ACTR10: variants seen among roughly 807,000 people sequenced by gnomAD.
The protein encoded by ACTR10 is actin related protein 10, also known as actin-related protein 10.
ACTR10 carries 43 observed loss-of-function variants against 56.2 expected under a neutral mutation model. That is an observed-to-expected ratio of 0.77 (90% CI 0.60 to 0.99). The LOEUF is 0.99. Among genes scored for constraint, ACTR10 ranks in the 50% least tolerant of loss-of-function variants. ACTR10 has a pLI of 0.00. For synonymous variants in ACTR10, 170 were observed against 176.3 expected (o/e 0.96, Z 0.28); for missense variants, 466 against 507.8 (o/e 0.92, Z 0.79).
chr14:58,212,212 A>C (rs1201727697), intron 5 of ACTR10, among the ~76,000 whole-genome samples: 3 of 152,120 alleles, frequency 2.0e-5, no homozygotes, highest in Admixed American at 2.0e-4. Flanking sequence ...AATATATATA[A>C]AGTGTTCAGC....
At position 58,200,216 on chromosome 14, in the gene ACTR10, C is replaced by T. The variant is rs776347173; in HGVS notation, c.-2C>T. On this transcript the variant is annotated 5_prime_UTR_variant, in exon 1 of 13. Transcript: ENST00000254286. ...CCTCTTCTCTCAGTCTGCCTTACTA[C>T]CATGCCGCTCTACGAGGGCCTGGGG... 3.3e-6 allele frequency: 5 copies of T among 1,532,370 alleles called. No homozygotes were observed. Among genetic ancestry groups the T allele is most frequent in the Non-Finnish European group, 4.4e-6 (5 of 1,140,418 alleles). The allele number at this position is 1,532,370 out of a possible 1,614,324, so 94.9% of individuals were successfully genotyped here.
At chr14:58,205,779 T>C (rs1253786587) in intron 2 of ACTR10, among the ~76,000 whole-genome samples, 1 of 152,108 alleles carries the variant, frequency 6.6e-6, no homozygotes, top group African/African-American at 2.4e-5. Flanking sequence ...CCCAGCACTT[T>C]GGGAGGCTGA....
chr14:58,216,153 C>A (rs1000485635), intron 7 of ACTR10, among the ~76,000 whole-genome samples: 2 of 152,106 alleles, frequency 1.3e-5, no homozygotes, highest in Admixed American at 1.3e-4. Context: ...GAGACAGGAT[C>A]TCACTCTGTT....
At chr14:58,234,015 A>T (rs1377332862) in intron 12 of ACTR10, among the ~76,000 whole-genome samples, 2 of 152,038 alleles carry the variant, frequency 1.3e-5, no homozygotes, top group African/African-American at 2.4e-5. Flanking sequence ...TTGATATGTA[A>T]CCTTAGTTGT....
At chr14:58,228,407 C>T (rs1889450802) in intron 10 of ACTR10, among the ~76,000 whole-genome samples, 1 of 152,046 alleles carries the variant, frequency 6.6e-6, no homozygotes, top group Non-Finnish European at 1.5e-5. Context: ...TCGCTTGAGG[C>T]CAGGAGTTCG....
chr14:58,209,131 G>A, intron 4 of ACTR10, 24 bp downstream of exon 4: 4 of 1,414,800 alleles, frequency 2.8e-6, no homozygotes, highest in Non-Finnish European at 3.9e-6. Context: ...TATCAAATAA[G>A]TAAATTGCTT....
intron 7 of ACTR10, among the ~76,000 whole-genome samples, chr14:58,216,986 A>G (rs535081864): frequency 6.6e-6 from 1 of 152,306 alleles, no homozygotes; most frequent in South Asian, 2.1e-4. Context: ...ACACTTAGGC[A>G]TACCTATGTT....
intron 10 of ACTR10, among the ~76,000 whole-genome samples, chr14:58,225,071 A>T (rs1889366700): frequency 6.6e-6 from 1 of 152,158 alleles, no homozygotes; most frequent in South Asian, 2.1e-4. Flanking sequence ...TGGAATACAA[A>T]ATTAGCCATA....
intron 8 of ACTR10, among the ~76,000 whole-genome samples, chr14:58,221,317 G>A (rs1292967693): frequency 6.6e-6 from 1 of 151,344 alleles, no homozygotes; most frequent in East Asian, 2.0e-4. Context: ...ATGCAGGCTG[G>A]GTGTAGTGGC....
chr14:58,203,595 A>G (rs1321519792), intron 2 of ACTR10, among the ~76,000 whole-genome samples: 1 of 152,140 alleles, frequency 6.6e-6, no homozygotes, highest in Admixed American at 6.6e-5. Flanking sequence ...ATGTAAATGG[A>G]ATCATATATC....
rs1476808019 is a variant in ACTR10 at position 58,202,888 on chromosome 14, T to C, written c.111T>C (p.Cys37=). The change falls in exon 2 of 13, where the codon TGT becomes TGC. Residue 37 remains cysteine (C), a synonymous_variant. Coordinates refer to ENST00000254286, the MANE Select transcript of ACTR10 (RefSeq NM_018477.3). ...CGFAGETGPR[C]IIPSVIKRAG... ...TTGCTGGAGAAACTGGTCCAAGATG[T>C]ATAATTCCTAGTGTGATAAAAAGAG... 6.2e-7 allele frequency: 1 copy of C among 1,608,686 alleles called. No individual in the cohort carries two copies. The highest frequency in any genetic ancestry group is 8.5e-7 in the Non-Finnish European group (1 of 1,177,550).
chr14:58,203,739 C>T (rs1470642009), intron 2 of ACTR10, among the ~76,000 whole-genome samples: 3 of 152,214 alleles, frequency 2.0e-5, no homozygotes, highest in African/African-American at 7.2e-5. Context: ...TGAAAACAAA[C>T]TTTCAAAAAG....
intron 10 of ACTR10, among the ~76,000 whole-genome samples, chr14:58,229,602 C>T (rs917875627): frequency 6.7e-6 from 1 of 150,278 alleles, no homozygotes; most frequent in African/African-American, 2.5e-5. Flanking sequence ...GGCGTGAATC[C>T]AGGAGGCGGA....
At chr14:58,211,501 G>A in intron 5 of ACTR10, 102 bp downstream of exon 5, 1 of 815,500 alleles carries the variant, frequency 1.2e-6, no homozygotes. Flanking sequence ...AACTATTTTG[G>A]GTTACTATGT....
chr14:58,219,703 C>T lies in ACTR10; in HGVS notation c.608C>T (p.Pro203Leu), dbSNP rs370351893. Reference sequence around the variant, plus strand: ...GAAATATTTGTTTTAGGTTCAGTTCCGGAAGGTGTCTTAGAGGACATTAAA... The same window carrying T: ...GAAATATTTGTTTTAGGTTCAGTTCTGGAAGGTGTCTTAGAGGACATTAAA... ...QSLPSVMGSV[P>L]EGVLEDIKAR... is the part of the protein sequence containing the mutation. Residue 203 changes from proline (P) to leucine (L), a missense_variant, in exon 8 of 13, where the codon CCG (proline) becomes CTG (leucine). Physicochemically the swap from Pro to Leu is moderately conservative, Grantham distance 98. Transcript: ENST00000254286. 170 of 1,517,898 alleles carry T rather than the reference C, an allele frequency of 1.1e-4. No individual in the cohort carries two copies. Among genetic ancestry groups the T allele is most frequent in the Middle Eastern group, 4.0e-4 (2 of 4,962 alleles). The allele number at this position is 1,517,898 out of a possible 1,614,324, so 94.0% of individuals were successfully genotyped here.
intron 5 of ACTR10, 100 bp downstream of exon 5, chr14:58,211,499 T>G (rs1355407481): frequency 3.6e-6 from 3 of 823,776 alleles, no homozygotes; most frequent in Non-Finnish European, 5.9e-6. Flanking sequence ...TGAACTATTT[T>G]GGGTTACTAT....
chr14:58,231,933 G>A (rs1470982447), intron 11 of ACTR10, 133 bp from the exon 12 acceptor site: 11 of 448,268 alleles, frequency 2.5e-5, no homozygotes, highest in Non-Finnish European at 3.9e-5. Flanking sequence ...CGATACAAAC[G>A]ATCACCTGTT....
chr14:58,232,030 C>T (rs1401881655), intron 11 of ACTR10, 36 bp from the exon 12 acceptor site: 23 of 1,444,192 alleles, frequency 1.6e-5, no homozygotes, highest in Non-Finnish European at 2.1e-5. Flanking sequence ...TTGTACAGTT[C>T]AGAATAAATC....
At position 58,224,440 on chromosome 14, in the gene ACTR10, T is replaced by G. The variant is rs1480783623; in HGVS notation, c.788+584T>G. Among the ~76,000 whole-genome samples, 3 of 151,844 alleles carry G rather than the reference T, an allele frequency of 2.0e-5. No homozygotes were observed. The East Asian group carries it at 5.8e-4, about 30-fold the overall frequency. ...TTTTTGTATTTTTAGTAGAGATGGG[T>G]TTCACCATGTTGGCAAGGCTGGTCT... On this transcript the variant is annotated intron_variant, in intron 10 of 12. Transcript: ENST00000254286.
Sources: gnomAD v4.1 joint callset for allele counts (sites outside exome capture counted in the v4.1 genomes callset) on GRCh38, gnomAD v4.1.1 for gene constraint, MANE v1.5 for transcripts, NCBI Gene and HGNC (gene_info 2026-07-23, HGNC 2026-07-21) for gene names.